MPDZ: variants seen among roughly 807,000 people sequenced by gnomAD.
MPDZ encodes the protein multiple PDZ domain protein.
In MPDZ, 234 loss-of-function variants were observed where a neutral mutation model predicts 239.1. The observed-to-expected ratio is 0.98, with a 90% CI of 0.88 to 1.09. The LOEUF (loss-of-function observed/expected upper bound fraction) is 1.09. Ranked by LOEUF, MPDZ falls within the 50% of genes least tolerant of loss-of-function variation. The pLI is 0.00. For missense variants in MPDZ, 3,175 were observed against 2,510.0 expected, an observed-to-expected ratio of 1.26 and a Z score of -5.66; for synonymous variants, 1,048 against 881.3, an observed-to-expected ratio of 1.19 and a Z score of -3.35.
At chr9:13,129,078 T>A (rs943675388) in intron 32 of MPDZ, among the ~76,000 whole-genome samples, 1 of 152,160 alleles carries the variant, frequency 6.6e-6, no homozygotes, top group African/African-American at 2.4e-5. Context: ...AACAATAAGC[T>A]ACAAATCTGC....
At chr9:13,108,630 C>G (rs74977103) in intron 46 of MPDZ, among the ~76,000 whole-genome samples, 2 of 151,804 alleles carry the variant, frequency 1.3e-5, no homozygotes, top group South Asian at 4.1e-4. Flanking sequence ...TTTCAAAAGA[C>G]GATCATGTGC....
At chr9:13,186,615 T>C (rs1379930976) in intron 17 of MPDZ, among the ~76,000 whole-genome samples, 1 of 152,128 alleles carries the variant, frequency 6.6e-6, no homozygotes, top group African/African-American at 2.4e-5. Flanking sequence ...AATATAAAAA[T>C]CACCTGTTGG....
At chr9:13,136,320 GTTTT>G (rs1946745622) in intron 30 of MPDZ, 138 bp from the exon 31 acceptor site, 1 of 193,264 alleles carries the variant, frequency 5.2e-6, no homozygotes, top group Admixed American at 9.0e-5. Context: ...ATTTACAAAC[GTTTT>G]CTTTTTTTTT....
Position 13,126,565 on chromosome 9 carries a change from T to C in MPDZ, c.4583A>G (p.Gln1528Arg). ...ATDGRLKVGD[Q>R]ILAVDDEIVV... The stretch of plus-strand genomic sequence containing the variant: ...AATTTCATCATCTACAGCCAGTATC[T>C]GATCTCCGACTTTGAGTCGTCCATC... The change falls in exon 34 of 47, where the codon CAG becomes CGG. Residue 1528 changes from glutamine to arginine, a missense_variant. Physicochemically the swap from Gln to Arg is conservative, Grantham distance 43. Transcript: ENST00000319217. 6.3e-7 allele frequency: 1 copy of C among 1,591,572 alleles called. No individual in the cohort carries two copies.
At chr9:13,229,575 C>T (rs1411347) in intron 3 of MPDZ, among the ~76,000 whole-genome samples, 9,082 of 148,014 alleles carry the variant, frequency 0.061, 446 homozygotes, top group African/African-American at 0.13. Flanking sequence ...ACACACCACA[C>T]TTACACACAC....
intron 22 of MPDZ, among the ~76,000 whole-genome samples, chr9:13,166,447 T>A (rs1237320260): frequency 6.6e-5 from 10 of 152,242 alleles, no homozygotes; most frequent in Non-Finnish European, 1.5e-4. Context: ...TTTATTTTTA[T>A]CATTACTCAA....
intron 1 of MPDZ, among the ~76,000 whole-genome samples, chr9:13,258,806 T>C (rs181457033): frequency 5.3e-5 from 8 of 152,256 alleles, no homozygotes; most frequent in Non-Finnish European, 1.2e-4. Context: ...CCTAAATTTA[T>C]TCAATGAAAA....
At chr9:13,190,026 CT>C in intron 16 of MPDZ, 87 bp downstream of exon 16, 2 of 1,190,068 alleles carry the variant, frequency 1.7e-6, no homozygotes, top group Non-Finnish European at 2.3e-6. Context: ...AAGAAAACAT[CT>C]TTGATGGTTA....
intron 39 of MPDZ, among the ~76,000 whole-genome samples, chr9:13,118,733 T>A (rs1943883605): frequency 6.6e-6 from 1 of 152,254 alleles, no homozygotes; most frequent in Admixed American, 6.5e-5. Context: ...CCAGGAATTA[T>A]ATTGTCAAAT....
chr9:13,112,986 A>ACC, intron 42 of MPDZ, 25 bp downstream of exon 42: 1 of 1,566,646 alleles, frequency 6.4e-7, no homozygotes, highest in Non-Finnish European at 8.7e-7. Flanking sequence ...GCCAGGGTTT[A>ACC]TATTGTTTTC....
At chr9:13,203,760 AC>A (rs1290285787) in intron 12 of MPDZ, among the ~76,000 whole-genome samples, 1 of 151,652 alleles carries the variant, frequency 6.6e-6, no homozygotes, top group Non-Finnish European at 1.5e-5. Flanking sequence ...ACACACACAC[AC>A]ACACACACAC....
chr9:13,148,290 G>T (rs868667570), intron 25 of MPDZ, among the ~76,000 whole-genome samples: 1 of 152,008 alleles, frequency 6.6e-6, no homozygotes, highest in Non-Finnish European at 1.5e-5. Context: ...ATCATGGTTT[G>T]CCTGAGTATT....
chr9:13,263,208 G>C (rs1971073234), intron 1 of MPDZ, among the ~76,000 whole-genome samples: 1 of 152,118 alleles, frequency 6.6e-6, no homozygotes, highest in Non-Finnish European at 1.5e-5. Context: ...TGAACTAGTA[G>C]TTGTTAAAAC....
intron 7 of MPDZ, 75 bp from the exon 8 acceptor site, chr9:13,219,843 T>C (rs1416411824): frequency 2.1e-6 from 3 of 1,422,240 alleles, no homozygotes; most frequent in African/African-American, 2.9e-5. Flanking sequence ...TGAGAAGGGA[T>C]TAATTTTAGA....
At chr9:13,114,892 T>G (rs1043095821) in intron 40 of MPDZ, among the ~76,000 whole-genome samples, 1 of 151,964 alleles carries the variant, frequency 6.6e-6, no homozygotes, top group Non-Finnish European at 1.5e-5. Context: ...AGAGCGAGAC[T>G]CTGTCTCAAA....
chr9:13,231,935 T>C (rs1448967773), intron 3 of MPDZ, among the ~76,000 whole-genome samples: 1 of 152,102 alleles, frequency 6.6e-6, no homozygotes, highest in African/African-American at 2.4e-5. Context: ...GAATTAACAC[T>C]TGAAAATCGT....
chr9:13,234,718 T>C lies in MPDZ; in HGVS notation c.184-10135A>G, dbSNP rs926588886. Among the ~76,000 whole-genome samples the C allele has an allele frequency of 1.2e-4, 18 of 152,186 alleles. 1 individual carries two copies. Among genetic ancestry groups the C allele is most frequent in the African/African-American group, 3.6e-4 (15 of 41,462 alleles). On this transcript the variant is annotated intron_variant, in intron 3 of 46. Coordinates refer to ENST00000319217, the MANE Select transcript of MPDZ (RefSeq NM_001378778.1). ...TACATTGCTAGTTCAGTTTCCCATA[T>C]TTTTTGTTTATTTGCTACACCTTAT...
chr9:13,123,169 C>G lies in MPDZ; in HGVS notation c.4937G>C (p.Gly1646Ala). The G allele has an allele frequency of 1.2e-6, 2 of 1,612,288 alleles. No individual in the cohort carries two copies. Among genetic ancestry groups the G allele is most frequent in the Non-Finnish European group, 1.7e-6 (2 of 1,179,564 alleles). ...GGTGCTCACCAGCAGCGTGTCTGAA[C>G]CCCCAACGATGCTCAGGCCCAGCCC... ...RTGLGLSIVGGSDTLLGAIII... is the reference protein window; with the variant it reads ...RTGLGLSIVGASDTLLGAIII... Residue 1646 changes from glycine to alanine, a missense_variant, in exon 36 of 47, where the codon GGT becomes GCT. Coordinates refer to ENST00000319217, the MANE Select transcript of MPDZ (RefSeq NM_001378778.1).
Position 13,113,916 on chromosome 9 carries a change from C to G in MPDZ, c.5557+15G>C. ...CCAAATTCAAACCATGTTTAAAATA[C>G]TGAACCAATCTTACATGCATTCTTC... On this transcript the variant is annotated intron_variant, in intron 41 of 46. Transcript: ENST00000319217. 1 of 1,564,148 alleles carries G rather than the reference C, an allele frequency of 6.4e-7. No homozygotes were observed. The highest frequency in any genetic ancestry group is 1.4e-5 in the African/African-American group (1 of 74,046).
Sources: gnomAD v4.1 joint callset for allele counts (sites outside exome capture counted in the v4.1 genomes callset) on GRCh38, gnomAD v4.1.1 for gene constraint, MANE v1.5 for transcripts, NCBI Gene and HGNC (gene_info 2026-07-23, HGNC 2026-07-21) for gene names.